SLCO3A1: variants seen among roughly 807,000 people sequenced by gnomAD.
SLCO3A1 encodes PGE1 transporter.
A neutral mutation model predicts 63.1 loss-of-function variants in SLCO3A1; 27 were observed. The ratio of observed to expected loss-of-function variants is 0.43; its 90% CI spans 0.32 to 0.59. The LOEUF (loss-of-function observed/expected upper bound fraction) is 0.59, where lower values mean the gene tolerates loss of function less well. Among genes scored for constraint, SLCO3A1 ranks in the 20% least tolerant of loss-of-function variants. The pLI is 0.09. For synonymous variants in SLCO3A1, 473 were observed against 409.9 expected, an observed-to-expected ratio of 1.15 and a Z score of -1.86; for missense variants, 773 against 945.8, an observed-to-expected ratio of 0.82 and a Z score of 2.40.
At chr15:92,143,823 C>T (rs745971301) in intron 7 of SLCO3A1, among the ~76,000 whole-genome samples, 3 of 152,096 alleles carry the variant, frequency 2.0e-5, no homozygotes, top group Non-Finnish European at 4.4e-5. Flanking sequence ...AGCAAAGCAG[C>T]ATTTCCTCAC....
At chr15:91,958,171 G>C (rs1293421402) in intron 2 of SLCO3A1, among the ~76,000 whole-genome samples, 3 of 152,176 alleles carry the variant, frequency 2.0e-5, no homozygotes, top group Admixed American at 1.3e-4. Flanking sequence ...GTTGATACTA[G>C]TCTATGTATT....
downstream of SLCO3A1, among the ~76,000 whole-genome samples, chr15:92,167,773 C>T (rs2048501202): frequency 6.6e-6 from 1 of 152,226 alleles, no homozygotes; most frequent in African/African-American, 2.4e-5. Context: ...GTAGCTTCAG[C>T]AACCCAGAAT....
At chr15:91,926,596 T>TGTGTGTGTGTGCGCGCGCGC in intron 2 of SLCO3A1, among the ~76,000 whole-genome samples, 26 of 105,256 alleles carry the variant, frequency 2.5e-4, no homozygotes, top group African/African-American at 9.1e-4. Flanking sequence ...TGTGTGTGTG[T>TGTGTGTGTGTGCGCGCGCGC]GCGCGCGCGC....
At chr15:92,150,809 T>C (rs2151592838) in intron 8 of SLCO3A1, 141 bp from the exon 9 acceptor site, 2 of 540,780 alleles carry the variant, frequency 3.7e-6, no homozygotes, top group East Asian at 6.1e-5. Flanking sequence ...AAGACACTAT[T>C]AGTAATTTTA....
chr15:92,012,147 A>G (rs1349327674), intron 2 of SLCO3A1, among the ~76,000 whole-genome samples: 1 of 152,228 alleles, frequency 6.6e-6, no homozygotes, highest in Admixed American at 6.5e-5. Context: ...CCTTTATGTA[A>G]TAATCAGTGC....
At chr15:91,905,765 T>G (rs548266815) in intron 1 of SLCO3A1, among the ~76,000 whole-genome samples, 2 of 152,334 alleles carry the variant, frequency 1.3e-5, no homozygotes, top group East Asian at 3.9e-4. Flanking sequence ...CTATTTCTCT[T>G]TGTTCAACCC....
At chr15:92,053,693 T>G (rs1390062633) in intron 2 of SLCO3A1, among the ~76,000 whole-genome samples, 1 of 83,194 alleles carries the variant, frequency 1.2e-5, no homozygotes, top group Non-Finnish European at 2.4e-5. Flanking sequence ...TGTTTGTTTG[T>G]TTGTTTTTTT....
chr15:92,028,893 T>C (rs1306275593), intron 2 of SLCO3A1, among the ~76,000 whole-genome samples: 1 of 58,810 alleles, frequency 1.7e-5, no homozygotes, highest in Admixed American at 2.0e-4. Context: ...CGTTCTTGTT[T>C]CAGCTGCAGG....
At chr15:92,072,622 C>A (rs2047230103) in intron 2 of SLCO3A1, among the ~76,000 whole-genome samples, 1 of 152,216 alleles carries the variant, frequency 6.6e-6, no homozygotes, top group Non-Finnish European at 1.5e-5. Flanking sequence ...TGAAATCAAG[C>A]AGACCTGTGC....
chr15:91,881,935 T>C (rs910137762), intron 1 of SLCO3A1, among the ~76,000 whole-genome samples: 1 of 152,208 alleles, frequency 6.6e-6, no homozygotes, highest in Non-Finnish European at 1.5e-5. Flanking sequence ...GGGTCCCCTC[T>C]CTTCGGGTCT....
At chr15:92,095,781 G>A (rs57717400) in intron 3 of SLCO3A1, among the ~76,000 whole-genome samples, 2 of 152,128 alleles carry the variant, frequency 1.3e-5, no homozygotes, top group Non-Finnish European at 2.9e-5. Flanking sequence ...TCTCAGGATC[G>A]ATAAGCATTC....
intron 1 of SLCO3A1, among the ~76,000 whole-genome samples, chr15:91,866,230 C>T (rs544817356): frequency 6.6e-6 from 1 of 152,230 alleles, no homozygotes; most frequent in Admixed American, 6.5e-5. Context: ...AAAAAAAATC[C>T]TAGACAGATA....
At chr15:91,973,938 T>C (rs75781693) in intron 2 of SLCO3A1, among the ~76,000 whole-genome samples, 6,100 of 152,290 alleles carry the variant, frequency 0.04, 267 homozygotes, top group African/African-American at 0.11. Context: ...CCATCATTCC[T>C]GGCTCAAAAT....
intron 6 of SLCO3A1, among the ~76,000 whole-genome samples, chr15:92,127,529 T>G (rs1183389189): frequency 6.6e-6 from 1 of 152,156 alleles, no homozygotes; most frequent in East Asian, 1.9e-4. Context: ...GAATAGTGCA[T>G]GACGCATAAA....
At position 91,853,930 on chromosome 15, in the gene SLCO3A1, G is replaced by T; in HGVS notation, c.22G>T (p.Gly8Cys). 2.8e-6 allele frequency: 4 copies of T among 1,454,316 alleles called. No homozygotes were observed. Among genetic ancestry groups the T allele is most frequent in the Non-Finnish European group, 3.7e-6 (4 of 1,095,246 alleles). 90.1% of individuals were successfully genotyped at this position (1,454,316 alleles called of 1,614,324 possible). MQGKKPG[G>C]SSGGGRSGEL... ...AAGGATGCAGGGGAAGAAGCCGGGC[G>T]GTTCGTCGGGCGGCGGCCGGAGCGG... is the stretch of plus-strand genomic sequence containing the variant. The change falls in exon 1 of 10, where the codon GGT becomes TGT. Residue 8 changes from glycine to cysteine, a missense_variant. Gly to Cys is a radical substitution (Grantham distance 159, BLOSUM62 -3). Around this residue, in one of 3 missense-constraint regions of SLCO3A1, gnomAD observed 69 missense variants for 64.6 expected, o/e 1.07. Transcript: ENST00000318445.
chr15:91,921,723 C>CTTTTT, intron 2 of SLCO3A1, among the ~76,000 whole-genome samples: 1 of 144,970 alleles, frequency 6.9e-6, no homozygotes, highest in Non-Finnish European at 1.5e-5. Flanking sequence ...TCAGATTTCT[C>CTTTTT]TTTTTTTTTT....
At chr15:92,018,447 C>T (rs894647923) in intron 2 of SLCO3A1, among the ~76,000 whole-genome samples, 3 of 152,192 alleles carry the variant, frequency 2.0e-5, no homozygotes, top group South Asian at 2.1e-4. Context: ...GTTACATCCA[C>T]GACCCCACCA....
At chr15:92,060,705 G>A (rs1438810882) in intron 2 of SLCO3A1, among the ~76,000 whole-genome samples, 2 of 152,106 alleles carry the variant, frequency 1.3e-5, no homozygotes, top group African/African-American at 2.4e-5. Context: ...TCACCATGTT[G>A]TCCGGGCTGG....
intron 2 of SLCO3A1, among the ~76,000 whole-genome samples, chr15:92,021,130 G>A (rs1017661942): frequency 6.6e-6 from 1 of 152,212 alleles, no homozygotes; most frequent in African/African-American, 2.4e-5. Context: ...ATCATCACCT[G>A]TATGGTTGTG....
Sources: allele counts gnomAD v4.1 joint callset (sites outside exome capture counted in the v4.1 genomes callset), GRCh38; gene constraint gnomAD v4.1.1; regional missense constraint gnomAD v4.1.1; transcripts MANE v1.5; gene names NCBI Gene and HGNC (gene_info 2026-07-23, HGNC 2026-07-21).